TMEM127: variants seen among roughly 807,000 people sequenced by gnomAD.
The protein encoded by TMEM127 is transmembrane protein 127.
TMEM127 carries 21 observed loss-of-function variants against 20.1 expected under a neutral mutation model. That is an observed-to-expected ratio of 1.04 (90% CI 0.74 to 1.50). TMEM127 has a LOEUF of 1.50. TMEM127 is among the 40% of genes most tolerant of loss of function. The pLI, the probability that TMEM127 is intolerant of heterozygous loss-of-function variation, is 0.00. For missense variants in TMEM127, 303 were observed against 317.4 expected (o/e 0.95, Z 0.34); for synonymous variants, 150 against 144.7 (o/e 1.04, Z -0.26).
At chr2:96,254,756 C>A (rs1174321181) in intron 3 of TMEM127, 77 bp downstream of exon 3, 1 of 1,583,868 alleles carries the variant, frequency 6.3e-7, no homozygotes. Flanking sequence ...GAAACCAGAG[C>A]CCCCACCGGC....
chr2:96,251,446 G>A lies in TMEM127; in HGVS notation c.*2362C>T, dbSNP rs551520951. ...GAGGCAGGATAATCGCTTGAACCCA[G>A]GAGGCAGAGGTTGCAGTGAGCTGAG... On this transcript the variant is annotated 3_prime_UTR_variant, in exon 4 of 4. Transcript: ENST00000258439. 7.2e-5 allele frequency: 15 copies of A among 207,142 alleles called. No homozygotes were observed. Among genetic ancestry groups the A allele is most frequent in the East Asian group, 6.6e-4 (9 of 13,622 alleles). 12.8% of individuals were successfully genotyped at this position (207,142 alleles called of 1,614,324 possible). A position where few individuals can be genotyped will look rare whatever the true frequency, so the allele number is the denominator to read the frequency against.
At chr2:96,257,047 C>T (rs1684221220) in intron 2 of TMEM127, among the ~76,000 whole-genome samples, 1 of 152,216 alleles carries the variant, frequency 6.6e-6, no homozygotes, top group Non-Finnish European at 1.5e-5. Flanking sequence ...AAAGACACAG[C>T]ACTCAAGGGG....
At chr2:96,262,521 C>T (rs1415898795) in intron 2 of TMEM127, among the ~76,000 whole-genome samples, 1 of 152,194 alleles carries the variant, frequency 6.6e-6, no homozygotes, top group Non-Finnish European at 1.5e-5. Context: ...TCATGAGGCA[C>T]CACTGCCAAC....
In TMEM127 at chr2:96,250,660, C is replaced by T. The variant is rs1015651516; in HGVS notation, c.*3148G>A. 8 of 232,870 alleles carry T rather than the reference C, an allele frequency of 3.4e-5. 1 individual carries two copies. The highest frequency in any genetic ancestry group is 6.6e-5 in the African/African-American group (3 of 45,318). The allele number at this position is 232,870 out of a possible 1,614,324, so 14.4% of individuals were successfully genotyped here. Reference sequence around the variant, plus strand: ...TGAAGAGAGCCCTCAGCTCTTTTACCGTGATGCACACTCGGGGCTGGGTGT... The same window carrying T: ...TGAAGAGAGCCCTCAGCTCTTTTACTGTGATGCACACTCGGGGCTGGGTGT... On this transcript the variant is annotated 3_prime_UTR_variant, in exon 4 of 4. Coordinates refer to ENST00000258439, the MANE Select transcript of TMEM127 (RefSeq NM_017849.4).
At chr2:96,260,115 C>T (rs536836353) in intron 2 of TMEM127, among the ~76,000 whole-genome samples, 2 of 152,352 alleles carry the variant, frequency 1.3e-5, no homozygotes, top group East Asian at 1.9e-4. Context: ...AGTGAGAAAA[C>T]CAAATATGAA....
At chr2:96,257,393 C>T (rs1168436345) in intron 2 of TMEM127, among the ~76,000 whole-genome samples, 1 of 151,770 alleles carries the variant, frequency 6.6e-6, no homozygotes, top group Non-Finnish European at 1.5e-5. Context: ...ACCCTGGAGA[C>T]GGAGGTTGCA....
chr2:96,262,218 C>T (rs907190674), intron 2 of TMEM127, among the ~76,000 whole-genome samples: 1 of 150,912 alleles, frequency 6.6e-6, no homozygotes, highest in South Asian at 2.2e-4. Context: ...GAGATGGCGC[C>T]GCTGCACTCC....
rs1186493899 is a variant in TMEM127, at chr2:96,251,759, CAGAGGGAA to C, written c.*2041_*2048del. 3.4e-4 allele frequency: 79 copies of C among 232,286 alleles called. No individual in the cohort carries two copies. The highest frequency in any genetic ancestry group is 1.7e-3 in the African/African-American group (75 of 45,174). The allele number at this position is 232,286 out of a possible 1,614,324, so 14.4% of individuals were successfully genotyped here. A position where few individuals can be genotyped will look rare whatever the true frequency, so the allele number is the denominator to read the frequency against. Reference sequence around the variant, plus strand: ...TGACAAACTATCAGTGTCAGGATGGCAGAGGGAAAGAGAAAGAAGAGGAAGGCCAAAGA... The same window carrying C: ...TGACAAACTATCAGTGTCAGGATGGCAGAGAAAGAAGAGGAAGGCCAAAGA... On this transcript the variant is annotated 3_prime_UTR_variant, in exon 4 of 4. Coordinates refer to ENST00000258439, the MANE Select transcript of TMEM127 (RefSeq NM_017849.4).
At chr2:96,265,725 A>G in intron 1 of TMEM127, 144 bp downstream of exon 1, 1 of 250,936 alleles carries the variant, frequency 4.0e-6, no homozygotes. Flanking sequence ...AAAGACCCGG[A>G]GTCAGGGTCT....
At chr2:96,259,634 G>C (rs1684276426) in intron 2 of TMEM127, among the ~76,000 whole-genome samples, 1 of 152,228 alleles carries the variant, frequency 6.6e-6, no homozygotes, top group African/African-American at 2.4e-5. Context: ...GCAACCATCA[G>C]AGCCTGCTCT....
intron 2 of TMEM127, among the ~76,000 whole-genome samples, chr2:96,255,685 C>CA (rs1462331924): frequency 2.6e-5 from 4 of 152,122 alleles, no homozygotes; most frequent in Non-Finnish European, 4.4e-5. Context: ...AGTCATGATG[C>CA]ATGTGCTTAA....
In TMEM127 at chr2:96,250,352, A is replaced by G. The variant is rs1248938200; in HGVS notation, c.*3456T>C. ...AAGTGTGGCTCAAGCTGCGTCCTCCAGGAAGCCTTTCATTATCACTCAGGT... is the reference window on the plus strand; with the variant it reads ...AAGTGTGGCTCAAGCTGCGTCCTCCGGGAAGCCTTTCATTATCACTCAGGT... On this transcript the variant is annotated 3_prime_UTR_variant, in exon 4 of 4. Transcript: ENST00000258439. 1.3e-5 allele frequency: 3 copies of G among 232,722 alleles called. No individual in the cohort carries two copies. The allele number at this position is 232,722 out of a possible 1,614,324, so 14.4% of individuals were successfully genotyped here. A position where few individuals can be genotyped will look rare whatever the true frequency, so the allele number is the denominator to read the frequency against.
chr2:96,261,239 C>T (rs979354683), intron 2 of TMEM127, among the ~76,000 whole-genome samples: 2 of 151,698 alleles, frequency 1.3e-5, no homozygotes, highest in Non-Finnish European at 1.5e-5. Flanking sequence ...AAGCAGGCAC[C>T]GCTTGCAGGG....
rs567065200 is a variant in TMEM127 at position 96,250,618 on chromosome 2, C to T, written c.*3190G>A. 4.7e-5 allele frequency: 11 copies of T among 233,040 alleles called. No homozygotes were observed. In the South Asian group the frequency reaches 1.8e-3, roughly 38 times the overall value. The allele number at this position is 233,040 out of a possible 1,614,324, so 14.4% of individuals were successfully genotyped here. On this transcript the variant is annotated 3_prime_UTR_variant, in exon 4 of 4. Coordinates refer to ENST00000258439, the MANE Select transcript of TMEM127 (RefSeq NM_017849.4). ...TCTCCCTAACAACAACAAAAGAGACCTAAATGGGCTGCTCCCTGAAGAGAG... is the reference window on the plus strand; with the variant it reads ...TCTCCCTAACAACAACAAAAGAGACTTAAATGGGCTGCTCCCTGAAGAGAG...
intron 2 of TMEM127, 42 bp downstream of exon 2, chr2:96,265,096 T>TC: frequency 6.2e-7 from 1 of 1,609,558 alleles, no homozygotes; most frequent in Non-Finnish European, 8.5e-7. Flanking sequence ...ACACATTCTG[T>TC]CCCCCACCGA....
Position 96,250,242 on chromosome 2 carries a change from T to G in TMEM127, c.*3566A>C. On this transcript the variant is annotated 3_prime_UTR_variant, in exon 4 of 4. Transcript: ENST00000258439. Reference sequence around the variant, plus strand: ...CACCCCTCACCTTTCTAACCTCGGCTCTTACCACCTCCTGGCCACCAGTGT... The same window carrying G: ...CACCCCTCACCTTTCTAACCTCGGCGCTTACCACCTCCTGGCCACCAGTGT... The G allele has an allele frequency of 4.3e-6, 1 of 233,234 alleles. No homozygotes were observed. Among genetic ancestry groups the G allele is most frequent in the Non-Finnish European group, 8.5e-6 (1 of 118,046 alleles). The allele number at this position is 233,234 out of a possible 1,614,324, so 14.4% of individuals were successfully genotyped here. A position where few individuals can be genotyped will look rare whatever the true frequency, so the allele number is the denominator to read the frequency against.
At chr2:96,263,048 CTTTTTTT>C (rs1402826560) in intron 2 of TMEM127, among the ~76,000 whole-genome samples, 1 of 136,692 alleles carries the variant, frequency 7.3e-6, no homozygotes, top group East Asian at 2.2e-4. Context: ...CAAGAATTTA[CTTTTTTT>C]TTTTTTTTTG....
rs1444783266 is a variant in TMEM127, at chr2:96,249,746, T to A, written c.*4062A>T. The A allele has an allele frequency of 4.3e-6, 1 of 233,180 alleles. No homozygotes were observed. The allele number at this position is 233,180 out of a possible 1,614,324, so 14.4% of individuals were successfully genotyped here. A position where few individuals can be genotyped will look rare whatever the true frequency, so the allele number is the denominator to read the frequency against. Reference sequence around the variant, plus strand: ...TTGTCAGTTCCCTTCTGTCTCCCCATAGCATCTGTGTTCCATTAGTGTAGT... The same window carrying A: ...TTGTCAGTTCCCTTCTGTCTCCCCAAAGCATCTGTGTTCCATTAGTGTAGT... On this transcript the variant is annotated 3_prime_UTR_variant, in exon 4 of 4. Transcript: ENST00000258439.
At chr2:96,257,871 C>T (rs762792459) in intron 2 of TMEM127, among the ~76,000 whole-genome samples, 2 of 151,922 alleles carry the variant, frequency 1.3e-5, no homozygotes, top group Non-Finnish European at 2.9e-5. Flanking sequence ...GCCAAGATCA[C>T]ATCACTGCAC....
Sources: gnomAD v4.1 joint callset for allele counts (sites outside exome capture counted in the v4.1 genomes callset) on GRCh38, gnomAD v4.1.1 for gene constraint, MANE v1.5 for transcripts, NCBI Gene and HGNC (gene_info 2026-07-23, HGNC 2026-07-21) for gene names.